DRC8: variants seen among roughly 807,000 people sequenced by gnomAD.
The protein encoded by DRC8 is dynein regulatory complex subunit 8, also known as dynein regulatory complex protein 8.
At chr1:245,064,850 G>A in the DRC8 span, among the ~76,000 whole-genome samples, 7 of 151,730 alleles carry the variant, frequency 4.6e-5, no homozygotes, top group African/African-American at 1.7e-4. Flanking sequence ...CTGAAACTCT[G>A]GACAGTTTTT....
chr1:244,972,901 TTAAC>T, the DRC8 span, among the ~76,000 whole-genome samples: 4 of 152,144 alleles, frequency 2.6e-5, no homozygotes, highest in African/African-American at 7.2e-5. Context: ...GTTTTATGGA[TTAAC>T]TAATTGCAGT....
chr1:245,016,581 T>C, the DRC8 span, among the ~76,000 whole-genome samples: 1 of 152,220 alleles, frequency 6.6e-6, no homozygotes, highest in Non-Finnish European at 1.5e-5. Context: ...ATTACGAGCT[T>C]ATATTTCTTT....
the DRC8 span, among the ~76,000 whole-genome samples, chr1:244,972,304 C>T: frequency 9.2e-5 from 14 of 152,210 alleles, no homozygotes; most frequent in Non-Finnish European, 1.5e-4. Flanking sequence ...AAATGAAAGA[C>T]ATTGTCTTTG....
the DRC8 span, among the ~76,000 whole-genome samples, chr1:245,017,893 C>T: frequency 5.9e-5 from 9 of 152,068 alleles, no homozygotes; most frequent in Admixed American, 2.6e-4. Flanking sequence ...AGAGATTAGA[C>T]GCTAATAAGA....
chr1:244,977,938 G>A, the DRC8 span, among the ~76,000 whole-genome samples: 2 of 152,192 alleles, frequency 1.3e-5, no homozygotes, highest in African/African-American at 2.4e-5. Flanking sequence ...GTAAGGACAC[G>A]TGGGGGAGCC....
the DRC8 span, among the ~76,000 whole-genome samples, chr1:245,016,098 C>T: frequency 6.6e-6 from 1 of 151,294 alleles, no homozygotes; most frequent in Non-Finnish European, 1.5e-5. Context: ...TCTCCTGCCT[C>T]AGCCTCCCAA....
the DRC8 span, chr1:245,017,384 T>C: frequency 6.7e-7 from 1 of 1,493,842 alleles, no homozygotes; most frequent in African/African-American, 1.4e-5. Context: ...AGTCATAAGA[T>C]ACAAGAGAGC....
the DRC8 span, among the ~76,000 whole-genome samples, chr1:245,121,399 C>T: frequency 6.6e-6 from 1 of 152,228 alleles, no homozygotes; most frequent in East Asian, 1.9e-4. Flanking sequence ...TGATCAGAAT[C>T]CAATTCTTGC....
At chr1:245,090,769 C>A in the DRC8 span, among the ~76,000 whole-genome samples, 3 of 151,718 alleles carry the variant, frequency 2.0e-5, no homozygotes, top group African/African-American at 7.3e-5. Flanking sequence ...GGTAGGATGA[C>A]CGTCTGTCCT....
chr1:245,096,840 G>GT, the DRC8 span, among the ~76,000 whole-genome samples: 1 of 152,198 alleles, frequency 6.6e-6, no homozygotes, highest in Non-Finnish European at 1.5e-5. Flanking sequence ...GCTGTGTCAG[G>GT]TATAGGATAT....
chr1:245,124,405 C>G, the DRC8 span: 1 of 152,200 alleles, frequency 6.6e-6, no homozygotes, highest in Admixed American at 6.5e-5. Flanking sequence ...TTCTAGGTGT[C>G]CAGCCCCAGG....
At chr1:245,122,067 T>G in the DRC8 span, 1 of 279,104 alleles carries the variant, frequency 3.6e-6, no homozygotes, top group Non-Finnish European at 6.9e-6. Flanking sequence ...CCTGGCTAAT[T>G]TCTGTATTTT....
At chr1:244,999,058 CA>C in the DRC8 span, among the ~76,000 whole-genome samples, 686 of 83,656 alleles carry the variant, frequency 8.2e-3, 2 homozygotes, top group Middle Eastern at 0.021. Flanking sequence ...GATCCTGGGT[CA>C]AAAAAAAAAA....
the DRC8 span, chr1:245,087,576 C>T: frequency 8.6e-7 from 1 of 1,161,910 alleles, no homozygotes; most frequent in Non-Finnish European, 1.1e-6. Context: ...TATTTAAAAA[C>T]TATTCTTAAA....
the DRC8 span, among the ~76,000 whole-genome samples, chr1:245,041,628 A>G: frequency 1.9e-4 from 29 of 152,330 alleles, 1 homozygote; most frequent in East Asian, 5.2e-3. Context: ...CTTAACCTCC[A>G]GTATACCTCA....
chr1:245,072,354 C>T, the DRC8 span, among the ~76,000 whole-genome samples: 1 of 152,148 alleles, frequency 6.6e-6, no homozygotes, highest in Admixed American at 6.5e-5. Flanking sequence ...GTTCTCCCAC[C>T]TCAGCTTCCC....
the DRC8 span, among the ~76,000 whole-genome samples, chr1:245,041,371 A>C: frequency 1.3e-5 from 2 of 152,188 alleles, no homozygotes; most frequent in Non-Finnish European, 2.9e-5. Context: ...AAAGCCATTG[A>C]AGGGTTTTAA....
chr1:244,982,976 A>C, the DRC8 span, among the ~76,000 whole-genome samples: 1 of 152,098 alleles, frequency 6.6e-6, no homozygotes, highest in Non-Finnish European at 1.5e-5. Flanking sequence ...AGCCTGAGGC[A>C]GAAGAATTTC....
chr1:244,992,906 G>T, the DRC8 span, among the ~76,000 whole-genome samples: 1 of 152,214 alleles, frequency 6.6e-6, no homozygotes, highest in South Asian at 2.1e-4. Context: ...GGGTGATTGT[G>T]CCTAAGGGTC....
Sources: gnomAD v4.1 joint callset for allele counts (sites outside exome capture counted in the v4.1 genomes callset) on GRCh38, gnomAD v4.1.1 for gene constraint, MANE v1.5 for transcripts, NCBI Gene and HGNC (gene_info 2026-07-23, HGNC 2026-07-21) for gene names.